ARAP2: variants seen among roughly 807,000 people sequenced by gnomAD.
ARAP2 encodes the protein arf-GAP with Rho-GAP domain, ANK repeat and PH domain-containing protein 2.
A neutral mutation model predicts 194.5 loss-of-function variants in ARAP2; 148 were observed. The ratio of observed to expected loss-of-function variants is 0.76; its 90% CI spans 0.67 to 0.87. The LOEUF (loss-of-function observed/expected upper bound fraction) is 0.87, where lower values mean the gene tolerates loss of function less well. Among genes scored for constraint, ARAP2 ranks in the 40% least tolerant of loss-of-function variants. The probability of loss-of-function intolerance (pLI) is 0.00; values close to 1 mark genes in which losing one functional copy is unlikely to be tolerated. For synonymous variants in ARAP2, 695 were observed against 683.5 expected, an observed-to-expected ratio of 1.02 and a Z score of -0.26; for missense variants, 2,128 against 1,989.7, an observed-to-expected ratio of 1.07 and a Z score of -1.32.
intron 2 of ARAP2, among the ~76,000 whole-genome samples, chr4:36,222,889 G>A (rs1487043529): frequency 1.3e-5 from 2 of 152,036 alleles, no homozygotes; most frequent in African/African-American, 4.8e-5. Context: ...TGACCAGGAA[G>A]CCAGAATTAC....
In ARAP2 at chr4:36,148,432, T is replaced by C. The variant is rs773611487; in HGVS notation, c.2973A>G (p.Gln991=). ...TGGCTATTGCCTCTGTCCATTTTCT[T>C]TGAGCTTGAGATGTTTCAGCTCCAA... ...FLFGAETSQA[Q]RKWTEAIAKH... The change falls in exon 17 of 33, where the codon CAA becomes CAG. Residue 991 remains glutamine, a synonymous_variant. Coordinates refer to ENST00000303965, the MANE Select transcript of ARAP2 (RefSeq NM_015230.4). 1.6e-5 allele frequency: 26 copies of C among 1,613,040 alleles called. No individual in the cohort carries two copies. The East Asian group carries it at 3.6e-4, about 22-fold the overall frequency.
intron 1 of ARAP2, among the ~76,000 whole-genome samples, chr4:36,238,572 A>C (rs1472870801): frequency 6.6e-6 from 1 of 152,196 alleles, no homozygotes; most frequent in African/African-American, 2.4e-5. Flanking sequence ...GCTTATATTC[A>C]CACTAGGGAA....
At chr4:36,167,220 G>A (rs970443967) in intron 9 of ARAP2, among the ~76,000 whole-genome samples, 173 bp from the exon 10 acceptor site, 1 of 152,124 alleles carries the variant, frequency 6.6e-6, no homozygotes, top group African/African-American at 2.4e-5. Context: ...AAGCTTGACA[G>A]TTGGACTATT....
chr4:36,138,147 C>T (rs1727289508), intron 19 of ARAP2, among the ~76,000 whole-genome samples: 1 of 151,726 alleles, frequency 6.6e-6, no homozygotes, highest in Admixed American at 6.6e-5. Context: ...GACCCTACTT[C>T]TCATCCAAAT....
At chr4:36,128,393 GT>G (rs1724477041) in intron 21 of ARAP2, 139 bp downstream of exon 21, 1 of 622,718 alleles carries the variant, frequency 1.6e-6, no homozygotes, top group Non-Finnish European at 2.8e-6. Context: ...TATGTACATT[GT>G]TTCTTTCAAT....
At chr4:36,206,213 A>G (rs1487570766) in intron 6 of ARAP2, among the ~76,000 whole-genome samples, 1 of 152,224 alleles carries the variant, frequency 6.6e-6, no homozygotes, top group Non-Finnish European at 1.5e-5. Flanking sequence ...CACAAACAGC[A>G]TAAGCTCTGA....
chr4:36,219,551 G>A (rs950112835), intron 2 of ARAP2, among the ~76,000 whole-genome samples: 6 of 152,156 alleles, frequency 3.9e-5, no homozygotes, highest in African/African-American at 1.4e-4. Flanking sequence ...GAAAAGTGGA[G>A]ATGAGTGATG....
intron 6 of ARAP2, among the ~76,000 whole-genome samples, chr4:36,197,183 G>A (rs981439569): frequency 4.6e-5 from 7 of 151,642 alleles, no homozygotes; most frequent in Admixed American, 2.6e-4. Context: ...TTTGATATAC[G>A]CATACAATGT....
At chr4:36,028,779 CTTGG>C (rs1362844962) in intron 5 of ARAP2, among the ~76,000 whole-genome samples, 3 of 151,578 alleles carry the variant, frequency 2.0e-5, no homozygotes, top group African/African-American at 7.3e-5. Flanking sequence ...ATTTTATCTC[CTTGG>C]TTGGTTATTT....
intron 27 of ARAP2, among the ~76,000 whole-genome samples, chr4:36,098,743 C>G: frequency 6.6e-6 from 1 of 151,970 alleles, no homozygotes; most frequent in East Asian, 1.9e-4. Flanking sequence ...AATTTGATTC[C>G]TACTTCTGGA....
At chr4:36,129,478 A>G (rs1057454353) in intron 20 of ARAP2, among the ~76,000 whole-genome samples, 2 of 151,944 alleles carry the variant, frequency 1.3e-5, no homozygotes, top group Middle Eastern at 3.4e-3. Flanking sequence ...AATATTAACA[A>G]TGTTCTTTTT....
chr4:36,013,283 G>A (rs970748085), intron 8 of ARAP2, among the ~76,000 whole-genome samples: 4 of 152,092 alleles, frequency 2.6e-5, no homozygotes, highest in Non-Finnish European at 4.4e-5. Flanking sequence ...CATGACTGCC[G>A]TTTAACTAAA....
intron 5 of ARAP2, among the ~76,000 whole-genome samples, chr4:36,033,341 T>G (rs1426038278): frequency 6.6e-6 from 1 of 152,196 alleles, no homozygotes; most frequent in Non-Finnish European, 1.5e-5. Flanking sequence ...CTAATAGCCA[T>G]TCTGACTGGT....
intron 2 of ARAP2, among the ~76,000 whole-genome samples, chr4:36,218,979 T>C (rs1748585993): frequency 6.6e-6 from 1 of 152,154 alleles, no homozygotes; most frequent in Non-Finnish European, 1.5e-5. Context: ...AACAAGTGCA[T>C]AAGGTGTTCA....
chr4:36,214,404 T>C lies in ARAP2; in HGVS notation c.964+18A>G, dbSNP rs1205775982. The C allele has an allele frequency of 1.9e-6, 3 of 1,584,174 alleles. No individual in the cohort carries two copies. Among genetic ancestry groups the C allele is most frequent in the Non-Finnish European group, 2.6e-6 (3 of 1,162,300 alleles). On this transcript the variant is annotated intron_variant, in intron 3 of 32. Transcript: ENST00000303965. ...AAATGAGCTCTAATTTAAGGAGACA[T>C]TAAACACATAGACTCACTTTGCCAT...
Position 36,124,955 on chromosome 4 carries a change from T to A in ARAP2, c.3653A>T (p.Asp1218Val), listed in dbSNP as rs762585441. 2 of 1,606,760 alleles carry A rather than the reference T, an allele frequency of 1.2e-6. No individual in the cohort carries two copies. Among genetic ancestry groups the A allele is most frequent in the Non-Finnish European group, 1.7e-6 (2 of 1,174,946 alleles). ...TCCATATTTTTTAATTCTTTCCTTG[T>A]CATCTTGCGTATCTGAAGGGGAAAA... ...YWISALDTQD[D>V]KERIKKYGAF... The change falls in exon 22 of 33, where the codon GAC (aspartate) becomes GTC (valine). Residue 1218 changes from aspartate (D) to valine (V), a missense_variant. Coordinates refer to ENST00000303965, the MANE Select transcript of ARAP2 (RefSeq NM_015230.4).
At chr4:36,187,693 T>C (rs1740883358) in intron 7 of ARAP2, 122 bp from the exon 8 acceptor site, 1 of 781,904 alleles carries the variant, frequency 1.3e-6, no homozygotes, top group East Asian at 3.2e-5. Flanking sequence ...ATTTTTTAAA[T>C]GCCATACAAG....
intron 27 of ARAP2, 29 bp downstream of exon 27, chr4:36,107,536 T>C (rs1718727448): frequency 1.3e-6 from 2 of 1,582,018 alleles, no homozygotes; most frequent in Non-Finnish European, 1.7e-6. Flanking sequence ...TTTTCAATCA[T>C]AGCTGCAATG....
chr4:36,140,714 A>T (rs1190491756), intron 19 of ARAP2, among the ~76,000 whole-genome samples: 2 of 151,708 alleles, frequency 1.3e-5, no homozygotes, highest in African/African-American at 4.8e-5. Context: ...TAGGGTGCTA[A>T]TCTCCCAAAC....
Sources: gnomAD v4.1 joint callset for allele counts (sites outside exome capture counted in the v4.1 genomes callset) on GRCh38, gnomAD v4.1.1 for gene constraint, MANE v1.5 for transcripts, NCBI Gene and HGNC (gene_info 2026-07-23, HGNC 2026-07-21) for gene names.